The following CGNL1 variants were observed in gnomAD, a reference collection of about 807,000 sequenced individuals.
The protein encoded by CGNL1 is cingulin like 1.
In CGNL1, 132 loss-of-function variants were observed where a neutral mutation model predicts 141.2. The ratio of observed to expected loss-of-function variants is 0.93; its 90% confidence interval spans 0.81 to 1.08. The LOEUF (loss-of-function observed/expected upper bound fraction) is 1.08, where lower values mean the gene tolerates loss of function less well. CGNL1 is among the 50% of genes least tolerant of loss of function. The pLI, the probability that CGNL1 is intolerant of heterozygous loss-of-function variation, is 0.00. For synonymous variants in CGNL1, 690 were observed against 622.1 expected, an observed-to-expected ratio of 1.11 and a Z score of -1.63; for missense variants, 1,870 against 1,588.6, an observed-to-expected ratio of 1.18 and a Z score of -3.01.
intron 10 of CGNL1, among the ~76,000 whole-genome samples, chr15:57,521,713 A>G (rs1203913851): frequency 1.3e-5 from 2 of 152,174 alleles, no homozygotes; most frequent in Non-Finnish European, 2.9e-5. Context: ...AGAAAGAGCC[A>G]GGCAGCCCTG....
chr15:57,384,466 C>G (rs1465407520), intron 1 of CGNL1, among the ~76,000 whole-genome samples: 1 of 152,164 alleles, frequency 6.6e-6, no homozygotes, highest in African/African-American at 2.4e-5. Flanking sequence ...AGGGTTGAAA[C>G]CCTTGCTGTC....
At chr15:57,377,566 AGCTCTTCCCTAATC>A (rs566043996) in intron 1 of CGNL1, among the ~76,000 whole-genome samples, 147 of 152,288 alleles carry the variant, frequency 9.7e-4, no homozygotes, top group African/African-American at 3.4e-3. Flanking sequence ...AGGTCCTCAT[AGCTCTTCCCTAATC>A]CACCTCTCCA....
At chr15:57,462,675 C>A (rs4774942) in intron 8 of CGNL1, among the ~76,000 whole-genome samples, 21,233 of 152,158 alleles carry the variant, frequency 0.14, 1,800 homozygotes, top group East Asian at 0.44. Context: ...ACAGTGACAG[C>A]TCAGAGTTAG....
chr15:57,423,768 C>T (rs1409126711), intron 1 of CGNL1, among the ~76,000 whole-genome samples: 1 of 152,166 alleles, frequency 6.6e-6, no homozygotes, highest in African/African-American at 2.4e-5. Context: ...TCCTCTTTTC[C>T]CTGTCTTCTT....
intron 1 of CGNL1, among the ~76,000 whole-genome samples, chr15:57,401,685 A>G (rs556503977): frequency 2.6e-5 from 4 of 152,236 alleles, no homozygotes; most frequent in Non-Finnish European, 5.9e-5. Context: ...TGAACTTAGT[A>G]GCACTCCAAA....
At chr15:57,542,520 A>C (rs1198796176) in intron 14 of CGNL1, among the ~76,000 whole-genome samples, 1 of 152,228 alleles carries the variant, frequency 6.6e-6, no homozygotes, top group East Asian at 1.9e-4. Context: ...CTGGTGCTAC[A>C]CAGCGAGGCT....
chr15:57,516,487 C>T (rs928276571), intron 8 of CGNL1, among the ~76,000 whole-genome samples: 25 of 152,300 alleles, frequency 1.6e-4, no homozygotes, highest in African/African-American at 5.8e-4. Flanking sequence ...TTTGTGACAC[C>T]ATAGGCTTTG....
intron 8 of CGNL1, among the ~76,000 whole-genome samples, chr15:57,470,496 A>G (rs1455622015): frequency 6.6e-5 from 10 of 151,892 alleles, no homozygotes; most frequent in Admixed American, 6.6e-4. Flanking sequence ...TAATGGACAG[A>G]TCTCTTAGCG....
chr15:57,409,932 C>G (rs2062767408), intron 1 of CGNL1, among the ~76,000 whole-genome samples: 1 of 152,206 alleles, frequency 6.6e-6, no homozygotes, highest in East Asian at 1.9e-4. Flanking sequence ...TCATCTGATG[C>G]CTCGTGTGAG....
At chr15:57,518,809 T>G (rs138361461) in intron 10 of CGNL1, among the ~76,000 whole-genome samples, 1 of 152,200 alleles carries the variant, frequency 6.6e-6, no homozygotes, top group Non-Finnish European at 1.5e-5. Flanking sequence ...CTGCAAAGAA[T>G]GATCAGGCCC....
intron 1 of CGNL1, among the ~76,000 whole-genome samples, chr15:57,417,637 A>T (rs2062863979): frequency 6.9e-6 from 1 of 145,276 alleles, no homozygotes. Flanking sequence ...TGGGGATTTC[A>T]GATTGCTGGG....
At chr15:57,508,328 G>A (rs896205572) in intron 8 of CGNL1, among the ~76,000 whole-genome samples, 5 of 152,072 alleles carry the variant, frequency 3.3e-5, no homozygotes, top group African/African-American at 1.2e-4. Flanking sequence ...AAATTCTGAT[G>A]TTCTTCTTGG....
chr15:57,512,658 A>G (rs1316906392), intron 8 of CGNL1, among the ~76,000 whole-genome samples: 1 of 152,210 alleles, frequency 6.6e-6, no homozygotes, highest in Non-Finnish European at 1.5e-5. Flanking sequence ...ATCACAATTC[A>G]GTCCAGGTTC....
At chr15:57,408,033 GCCACCGTTAC>G (rs1346440565) in intron 1 of CGNL1, among the ~76,000 whole-genome samples, 1 of 151,996 alleles carries the variant, frequency 6.6e-6, no homozygotes, top group African/African-American at 2.4e-5. Context: ...AGAGGTGTGA[GCCACCGTTAC>G]CAGCAGAAAA....
chr15:57,440,337 A>G, intron 2 of CGNL1, 40 bp from the exon 3 acceptor site: 1 of 1,438,714 alleles, frequency 7.0e-7, no homozygotes, highest in Non-Finnish European at 9.6e-7. Context: ...GCCTCTGGGA[A>G]CTTCATCCTC....
At chr15:57,439,872 G>T (rs1595707078) in intron 2 of CGNL1, among the ~76,000 whole-genome samples, 1 of 152,260 alleles carries the variant, frequency 6.6e-6, no homozygotes, top group Middle Eastern at 3.4e-3. Context: ...AGGCTCAATT[G>T]TTCTGTTTGT....
intron 8 of CGNL1, among the ~76,000 whole-genome samples, chr15:57,463,336 A>G (rs1190075690): frequency 6.6e-6 from 1 of 152,194 alleles, no homozygotes; most frequent in Non-Finnish European, 1.5e-5. Context: ...TGGAATTGAG[A>G]TCATCAGTAG....
At chr15:57,520,408 TTGCATCTTCACGTA>T (rs749887430) in intron 10 of CGNL1, among the ~76,000 whole-genome samples, 1 of 152,214 alleles carries the variant, frequency 6.6e-6, no homozygotes, top group Non-Finnish European at 1.5e-5. Flanking sequence ...TATTGGTCTA[TTGCATCTTCACGTA>T]TGATAAATAG....
At position 57,542,163 on chromosome 15, in the gene CGNL1, G is replaced by A. The variant is rs145794663; in HGVS notation, c.3292-1533G>A. On this transcript the variant is annotated intron_variant, in intron 14 of 18. Coordinates refer to ENST00000281282, the MANE Select transcript of CGNL1 (RefSeq NM_032866.5). ...CTCCATGGGGGACAGTGAGGAAGGG[G>A]TGAGCTTATCTTTTACTCACTGGGG... Among the ~76,000 whole-genome samples the A allele has an allele frequency of 1.3e-3, 199 of 152,330 alleles. 2 individuals carry two copies. The highest frequency in any genetic ancestry group is 6.8e-3 in the Middle Eastern group (2 of 294).
Sources: allele counts gnomAD v4.1 joint callset (sites outside exome capture counted in the v4.1 genomes callset), GRCh38; gene constraint gnomAD v4.1.1; transcripts MANE v1.5; gene names NCBI Gene and HGNC (gene_info 2026-07-23, HGNC 2026-07-21).